NLGN1: variants seen among roughly 807,000 people sequenced by gnomAD.
NLGN1 encodes neuroligin 1.
A neutral mutation model predicts 65.5 loss-of-function variants in NLGN1; 12 were observed. The ratio of observed to expected loss-of-function variants is 0.18; its 90% CI spans 0.12 to 0.30. The LOEUF is 0.30. NLGN1 is among the 10% of genes least tolerant of loss of function. The pLI, the probability that NLGN1 is intolerant of heterozygous loss-of-function variation, is 1.00. For missense variants in NLGN1, 750 were observed against 1,007.1 expected (o/e 0.74, Z 3.46); for synonymous variants, 350 against 359.5 (o/e 0.97, Z 0.30).
chr3:173,682,865 A>C (rs1444856933), intron 3 of NLGN1, among the ~76,000 whole-genome samples: 1 of 152,188 alleles, frequency 6.6e-6, no homozygotes. Context: ...TGGATGTTGA[A>C]ACCTGAGGTT....
intron 2 of NLGN1, among the ~76,000 whole-genome samples, chr3:173,493,136 A>G (rs1026853879): frequency 6.6e-6 from 1 of 151,818 alleles, no homozygotes; most frequent in Non-Finnish European, 1.5e-5. Flanking sequence ...ATATATGCCT[A>G]TTGGGTATTA....
At chr3:173,471,367 C>T (rs1436648595) in intron 2 of NLGN1, among the ~76,000 whole-genome samples, 2 of 152,050 alleles carry the variant, frequency 1.3e-5, no homozygotes, top group African/African-American at 4.8e-5. Flanking sequence ...TATTCCTTGC[C>T]TTTCTTTCAG....
At chr3:173,396,949 C>T (rs577057599), upstream of NLGN1, among the ~76,000 whole-genome samples, 4 of 152,266 alleles carry the variant, frequency 2.6e-5, no homozygotes, top group African/African-American at 7.2e-5. Flanking sequence ...TTCCAATAGC[C>T]TTTCTGGCGG....
chr3:173,940,369 A>G lies in NLGN1; in HGVS notation c.646+132537A>G, dbSNP rs191559676. ...CTCCCAAAGCACTGGGATTACAGGC[A>G]TGAGCTACCATGCCCGGCCTCAAAT... On this transcript the variant is annotated intron_variant, in intron 4 of 6. Transcript: ENST00000457714. Among the ~76,000 whole-genome samples the G allele has an allele frequency of 5.8e-3, 885 of 152,166 alleles. 8 individuals are homozygous for G. Among genetic ancestry groups the G allele is most frequent in the African/African-American group, 0.02 (815 of 41,534 alleles).
At chr3:174,115,722 C>T (rs894742665) in intron 4 of NLGN1, among the ~76,000 whole-genome samples, 1 of 152,126 alleles carries the variant, frequency 6.6e-6, no homozygotes, top group African/African-American at 2.4e-5. Context: ...CCAGATGTCA[C>T]AATAACAAAG....
chr3:174,135,237 C>T (rs1268483695), intron 4 of NLGN1, among the ~76,000 whole-genome samples: 1 of 152,074 alleles, frequency 6.6e-6, no homozygotes, highest in Non-Finnish European at 1.5e-5. Flanking sequence ...AGGTAAATGT[C>T]TGAAAATACT....
At chr3:173,951,231 A>G (rs1748143047) in intron 4 of NLGN1, among the ~76,000 whole-genome samples, 1 of 152,106 alleles carries the variant, frequency 6.6e-6, no homozygotes, top group South Asian at 2.1e-4. Context: ...AAAAAATGAA[A>G]ATGAAGAAAA....
In NLGN1 at chr3:174,055,876, G is replaced by T. The variant is rs114134351; in HGVS notation, c.647-219439G>T. Among the ~76,000 whole-genome samples the T allele has an allele frequency of 6.2e-3, 947 of 151,674 alleles. 23 individuals are homozygous for T. Among genetic ancestry groups the T allele is most frequent in the East Asian group, 0.037 (192 of 5,140 alleles). On this transcript the variant is annotated intron_variant, in intron 4 of 6. Coordinates refer to ENST00000457714, the Ensembl canonical transcript of NLGN1. ...AAGTTTACAACATTCTTAATGTCAG[G>T]TGTGCCTATCCAATAAAAGTGGACA...
chr3:173,678,264 A>G (rs1028192026), intron 3 of NLGN1, among the ~76,000 whole-genome samples: 2 of 152,128 alleles, frequency 1.3e-5, no homozygotes, highest in African/African-American at 4.8e-5. Context: ...TAGGAAGACT[A>G]AGATGAATAT....
At chr3:174,043,308 C>G (rs985295788) in intron 4 of NLGN1, among the ~76,000 whole-genome samples, 1 of 152,174 alleles carries the variant, frequency 6.6e-6, no homozygotes, top group Admixed American at 6.5e-5. Context: ...CAATCATGCA[C>G]TTCCAACAGT....
intron 3 of NLGN1, among the ~76,000 whole-genome samples, chr3:173,668,919 A>C (rs2055303): frequency 0.99 from 151,246 of 152,320 alleles, 75,089 homozygotes; most frequent in East Asian, 1. Flanking sequence ...CCACTGCACC[A>C]GGCCAGTTTC....
chr3:173,475,389 A>G (rs956531707), intron 2 of NLGN1, among the ~76,000 whole-genome samples: 8 of 152,192 alleles, frequency 5.3e-5, no homozygotes, highest in African/African-American at 1.9e-4. Flanking sequence ...GTACATTTAT[A>G]TATTCACTAT....
Position 174,173,664 on chromosome 3 carries a change from A to T in NLGN1, c.647-101651A>T, listed in dbSNP as rs548691666. 5.3e-5 allele frequency among the ~76,000 whole-genome samples: 8 copies of T among 151,782 alleles called. No homozygotes were observed. In the South Asian group the frequency reaches 1.7e-3, roughly 32 times the overall value. On this transcript the variant is annotated intron_variant, in intron 4 of 6. Coordinates refer to ENST00000457714, the Ensembl canonical transcript of NLGN1. The stretch of plus-strand genomic sequence containing the variant: ...GAACCATCCTTGCATCACTGGCATA[A>T]ATTCCACTTGGTCACAGTGAAGATC...
At chr3:173,597,358 A>G (rs1749650318) in intron 2 of NLGN1, among the ~76,000 whole-genome samples, 1 of 152,198 alleles carries the variant, frequency 6.6e-6, no homozygotes, top group Non-Finnish European at 1.5e-5. Context: ...TCTGTTATGA[A>G]GACTAAGTGA....
At position 174,268,722 on chromosome 3, in the gene NLGN1, G is replaced by A. The variant is rs73882742; in HGVS notation, c.647-6593G>A. On this transcript the variant is annotated intron_variant, in intron 4 of 6. Coordinates refer to ENST00000457714, the Ensembl canonical transcript of NLGN1. Reference sequence around the variant, plus strand: ...CTGCAAACCAAAGAAATAGCTATAGGTGTTTTCTTTCCAGGCATCTATTTA... The same window carrying A: ...CTGCAAACCAAAGAAATAGCTATAGATGTTTTCTTTCCAGGCATCTATTTA... Among the ~76,000 whole-genome samples the A allele has an allele frequency of 4.0e-3, 605 of 152,046 alleles. 2 individuals are homozygous for A. The highest frequency in any genetic ancestry group is 0.014 in the African/African-American group (563 of 41,492).
chr3:173,562,460 G>T (rs1226421528), intron 2 of NLGN1, among the ~76,000 whole-genome samples: 1 of 152,002 alleles, frequency 6.6e-6, no homozygotes, highest in African/African-American at 2.4e-5. Context: ...CCAGCTACTT[G>T]GGAGGCTGAG....
chr3:173,804,960 A>T (rs2150431675), intron 3 of NLGN1, among the ~76,000 whole-genome samples: 1 of 152,284 alleles, frequency 6.6e-6, no homozygotes, highest in East Asian at 1.9e-4. Context: ...CTGGAGGTGG[A>T]GGTTGCAATG....
At chr3:173,987,608 T>C (rs919578038) in intron 4 of NLGN1, among the ~76,000 whole-genome samples, 4 of 152,202 alleles carry the variant, frequency 2.6e-5, no homozygotes, top group Non-Finnish European at 4.4e-5. Context: ...CAGCTTACCA[T>C]AGAATAATAA....
chr3:173,617,195 A>C (rs2149490098), intron 3 of NLGN1, among the ~76,000 whole-genome samples: 1 of 152,276 alleles, frequency 6.6e-6, no homozygotes, highest in East Asian at 1.9e-4. Flanking sequence ...CAACCTATCA[A>C]GATAACCCTA....
Sources: gnomAD v4.1 joint callset for allele counts (sites outside exome capture counted in the v4.1 genomes callset) on GRCh38, gnomAD v4.1.1 for gene constraint, MANE v1.5 for transcripts, NCBI Gene and HGNC (gene_info 2026-07-23, HGNC 2026-07-21) for gene names.